Variants in AMN observed in about 807,000 individuals in gnomAD.
AMN encodes amnion associated transmembrane protein.
A neutral mutation model predicts 49.1 loss-of-function variants in AMN; 40 were observed. That is an observed-to-expected ratio of 0.81 (90% CI 0.63 to 1.06). AMN has a LOEUF of 1.06. AMN is among the 50% of genes least tolerant of loss of function. AMN has a pLI of 0.00. For missense variants in AMN, 701 were observed against 662.8 expected, an observed-to-expected ratio of 1.06 and a Z score of -0.63; for synonymous variants, 380 against 313.3, an observed-to-expected ratio of 1.21 and a Z score of -2.25.
At chr14:102,929,359 TC>T in intron 6 of AMN, 68 bp from the exon 7 acceptor site, 1 of 1,511,280 alleles carries the variant, frequency 6.6e-7, no homozygotes, top group Non-Finnish European at 8.8e-7. Flanking sequence ...GGCTTGCTTC[TC>T]GGAGGCATCG....
rs767922647 is a variant in AMN at position 102,923,691 on chromosome 14, C to T, written c.44-20C>T. Reference sequence around the variant, plus strand: ...AGCATCCCGGAGAGCATCCCGGGCACTCAGTCGCCTCCTCCCCAGCACTGA... The same window carrying T: ...AGCATCCCGGAGAGCATCCCGGGCATTCAGTCGCCTCCTCCCCAGCACTGA... On this transcript the variant is annotated intron_variant, in intron 1 of 11. Transcript: ENST00000299155. 5.0e-6 allele frequency: 8 copies of T among 1,600,468 alleles called. No homozygotes were observed. Among genetic ancestry groups the T allele is most frequent in the Middle Eastern group, 1.7e-4 (1 of 6,002 alleles).
At position 102,929,736 on chromosome 14, in the gene AMN, T is replaced by C. The variant is rs746808374; in HGVS notation, c.842T>C (p.Leu281Pro). Residue 281 changes from leucine to proline, a missense_variant and splice_region_variant, in exon 8 of 12, where the codon CTG becomes CCG. By Grantham distance (98) the Leu-to-Pro change is moderately conservative (BLOSUM62 -3). Coordinates refer to ENST00000299155, the MANE Select transcript of AMN (RefSeq NM_030943.4). ...RARILDTFLG[L>P]PQYHGLQVAV... ...CGGATACTGGACACCTTCCTGGGTC[T>C]GGTAATGGGGCCGCGCGGGCAGCTG... 39 of 1,550,044 alleles carry C rather than the reference T, an allele frequency of 2.5e-5. No individual in the cohort carries two copies. In the South Asian group the frequency reaches 4.2e-4, roughly 17 times the overall value.
chr14:102,924,250 C>T (rs1213435167), intron 3 of AMN, among the ~76,000 whole-genome samples: 3 of 152,162 alleles, frequency 2.0e-5, no homozygotes, highest in South Asian at 2.1e-4. Flanking sequence ...GGGTGGTCTT[C>T]CCAGGAAGCG....
At chr14:102,929,820 C>T (rs1891291754) in intron 8 of AMN, 83 bp downstream of exon 8, 1 of 1,542,646 alleles carries the variant, frequency 6.5e-7, no homozygotes, top group Non-Finnish European at 8.8e-7. Context: ...CTGCAGGGTC[C>T]CTGCGGCTGC....
At position 102,930,658 on chromosome 14, in the gene AMN, C is replaced by T. The variant is rs1352617436; in HGVS notation, c.1340C>T (p.Ala447Val). 6.3e-7 allele frequency: 1 copy of T among 1,595,912 alleles called. No individual in the cohort carries two copies. The highest frequency in any genetic ancestry group is 1.3e-5 in the African/African-American group (1 of 74,666). Residue 447 changes from alanine (A) to valine (V), a missense_variant, in exon 12 of 12, where the codon GCC (alanine) becomes GTC (valine). Ala to Val is a moderately conservative substitution (Grantham distance 64, BLOSUM62 0). Transcript: ENST00000299155. ...SHSYFVNPLF[A>V]GAEAEA ...AGTTACTTCGTCAACCCTCTGTTCGCCGGGGCCGAGGCCGAGGCCTGAGCG... is the reference window on the plus strand; with the variant it reads ...AGTTACTTCGTCAACCCTCTGTTCGTCGGGGCCGAGGCCGAGGCCTGAGCG...
chr14:102,923,991 C>A lies in AMN; in HGVS notation c.207+12C>A. 6.2e-7 allele frequency: 1 copy of A among 1,613,252 alleles called. No homozygotes were observed. Among genetic ancestry groups the A allele is most frequent in the South Asian group, 1.1e-5 (1 of 91,086 alleles). On this transcript the variant is annotated intron_variant, in intron 3 of 11. Transcript: ENST00000299155. ...CCGTCTCAGACATGGTAAGGCCGGG[C>A]TGCTACTGCCACTGGGCTGGGGGTT...
chr14:102,929,022 G>T, intron 5 of AMN, 47 bp downstream of exon 5: 1 of 1,594,136 alleles, frequency 6.3e-7, no homozygotes, highest in Middle Eastern at 1.7e-4. Flanking sequence ...CCCCACCTCG[G>T]CCCGACCCCG....
chr14:102,929,108 C>A lies in AMN; in HGVS notation c.514-13C>A. Reference sequence around the variant, plus strand: ...CCTCGGGCTGGCTCCGGTGGGGACCCGGCTGCCCGCAGACGTTCACGCGCG... The same window carrying A: ...CCTCGGGCTGGCTCCGGTGGGGACCAGGCTGCCCGCAGACGTTCACGCGCG... On this transcript the variant is annotated splice_polypyrimidine_tract_variant and intron_variant, in intron 5 of 11. Transcript: ENST00000299155. 1 of 1,597,586 alleles carries A rather than the reference C, an allele frequency of 6.3e-7. No individual in the cohort carries two copies. The highest frequency in any genetic ancestry group is 1.3e-5 in the African/African-American group (1 of 75,040).
In AMN at chr14:102,930,266, C is replaced by G; in HGVS notation, c.1108C>G (p.Leu370Val). 1 of 1,381,562 alleles carries G rather than the reference C, an allele frequency of 7.2e-7. No homozygotes were observed. The highest frequency in any genetic ancestry group is 9.3e-7 in the Non-Finnish European group (1 of 1,070,968). The allele number at this position is 1,381,562 out of a possible 1,614,324, so 85.6% of individuals were successfully genotyped here. A position where few individuals can be genotyped will look rare whatever the true frequency, so the allele number is the denominator to read the frequency against. Reference sequence around the variant, plus strand: ...GGCGGGCGGCGTGGCGGCTGCCGTGCTGCTGGCGCTGCTGGTCCTGCTGGT... The same window carrying G: ...GGCGGGCGGCGTGGCGGCTGCCGTGGTGCTGGCGCTGCTGGTCCTGCTGGT... ...GLAGGVAAAV[L>V]LALLVLLVAP... is the part of the protein sequence containing the mutation. Residue 370 changes from leucine (L) to valine (V), a missense_variant, in exon 10 of 12, where the codon CTG becomes GTG. Transcript: ENST00000299155.
rs1566829033 is a variant in AMN, at chr14:102,930,053, GC to G, written c.976del (p.Arg326GlyfsTer88). The G allele has an allele frequency of 1.3e-6, 2 of 1,546,286 alleles. No homozygotes were observed. The highest frequency in any genetic ancestry group is 2.4e-5 in the South Asian group (2 of 83,654). On this transcript the variant is annotated frameshift_variant, in exon 9 of 12. Coordinates refer to ENST00000299155, the MANE Select transcript of AMN (RefSeq NM_030943.4). LOFTEE classifies it high-confidence loss of function. The stretch of plus-strand genomic sequence containing the variant: ...CGAGACAGGCGGAGCGGGGCGGCTG[GC>G]CCGGGCCCTCCTGGCGGACGTCGCC... ...GPETGGAGRLARALLADVAEN... is the reference protein window; with the variant it reads ...GPETGGAGRLXRALLADVAEN...
In AMN at chr14:102,930,282, T is replaced by C. The variant is rs2139312870; in HGVS notation, c.1124T>C (p.Val375Ala). 1 of 1,380,066 alleles carries C rather than the reference T, an allele frequency of 7.2e-7. No individual in the cohort carries two copies. Among genetic ancestry groups the C allele is most frequent in the Non-Finnish European group, 9.3e-7 (1 of 1,072,714 alleles). The allele number at this position is 1,380,066 out of a possible 1,614,324, so 85.5% of individuals were successfully genotyped here. A position where few individuals can be genotyped will look rare whatever the true frequency, so the allele number is the denominator to read the frequency against. ...VAAAVLLALL[V>A]LLVAPPLLRR... ...GCTGCCGTGCTGCTGGCGCTGCTGGTCCTGCTGGTGGCGCCGCCGCTGCTG... is the reference window on the plus strand; with the variant it reads ...GCTGCCGTGCTGCTGGCGCTGCTGGCCCTGCTGGTGGCGCCGCCGCTGCTG... Residue 375 changes from valine to alanine, a missense_variant, in exon 10 of 12, where the codon GTC becomes GCC. By Grantham distance (64) the Val-to-Ala change is moderately conservative. Coordinates refer to ENST00000299155, the MANE Select transcript of AMN (RefSeq NM_030943.4).
intron 1 of AMN, chr14:102,923,410 C>T: frequency 2.3e-6 from 1 of 440,094 alleles, no homozygotes; most frequent in South Asian, 2.1e-5. Flanking sequence ...CAACGCTGTC[C>T]TCTGCTCCAG....
chr14:102,923,911 G>C (rs766494238), intron 2 of AMN, 24 bp from the exon 3 acceptor site: 97 of 1,612,898 alleles, frequency 6.0e-5, no homozygotes, highest in Middle Eastern at 4.9e-4. Flanking sequence ...CTCCCGGCTC[G>C]GCTGAGGCAG....
At chr14:102,929,383 C>A in intron 6 of AMN, 45 bp from the exon 7 acceptor site, 2 of 1,519,400 alleles carry the variant, frequency 1.3e-6, no homozygotes, top group South Asian at 1.2e-5. Context: ...CTTCTCGCTG[C>A]GGTCCGCTCT....
At chr14:102,924,369 C>T (rs952512124) in intron 3 of AMN, among the ~76,000 whole-genome samples, 6 of 152,126 alleles carry the variant, frequency 3.9e-5, no homozygotes, top group African/African-American at 1.2e-4. Flanking sequence ...ACCCACCATC[C>T]GGGTCCCTGG....
Position 102,929,237 on chromosome 14 carries a change from C to T in AMN, c.630C>T (p.Gly210=). ...CCGAGGACTGCGCGGACCCGTCGGG[C>T]TGCGTCTGCGGCAACGCGGAGGTGA... is the stretch of plus-strand genomic sequence containing the variant. ...VGPEDCADPS[G]CVCGNAEAQP... The change falls in exon 6 of 12, where the codon GGC becomes GGT. Residue 210 remains glycine, a synonymous_variant. Coordinates refer to ENST00000299155, the MANE Select transcript of AMN (RefSeq NM_030943.4). 1 of 1,512,250 alleles carries T rather than the reference C, an allele frequency of 6.6e-7. No homozygotes were observed. The highest frequency in any genetic ancestry group is 8.8e-7 in the Non-Finnish European group (1 of 1,140,416). The allele number at this position is 1,512,250 out of a possible 1,614,324, so 93.7% of individuals were successfully genotyped here. A position where few individuals can be genotyped will look rare whatever the true frequency, so the allele number is the denominator to read the frequency against.
rs751723677 is a variant in AMN at position 102,929,261 on chromosome 14, G to T, written c.651+3G>T. 5.0e-5 allele frequency: 73 copies of T among 1,470,234 alleles called. No individual in the cohort carries two copies. In the African/African-American group the frequency reaches 9.9e-4, roughly 20 times the overall value. The allele number at this position is 1,470,234 out of a possible 1,614,324, so 91.1% of individuals were successfully genotyped here. A position where few individuals can be genotyped will look rare whatever the true frequency, so the allele number is the denominator to read the frequency against. On this transcript the variant is annotated splice_donor_region_variant and intron_variant, in intron 6 of 11. Coordinates refer to ENST00000299155, the MANE Select transcript of AMN (RefSeq NM_030943.4). ...GCTGCGTCTGCGGCAACGCGGAGGT[G>T]AGCGAGGCCGCAGTGGAGTCGCGGG...
At chr14:102,928,381 G>A (rs1160930916) in intron 3 of AMN, 45 bp from the exon 4 acceptor site, 1 of 1,520,676 alleles carries the variant, frequency 6.6e-7, no homozygotes, top group Non-Finnish European at 8.9e-7. Context: ...CGCGGAGCAG[G>A]CCCGGACCCC....
chr14:102,930,802 C>T lies in AMN; in HGVS notation c.*122C>T, dbSNP rs1438144883. Reference sequence around the variant, plus strand: ...CTTCCTTTCCCCCTCCTCCGGGGGCCAAGGACAGGGTGGCCTTACTCAGTA... The same window carrying T: ...CTTCCTTTCCCCCTCCTCCGGGGGCTAAGGACAGGGTGGCCTTACTCAGTA... On this transcript the variant is annotated 3_prime_UTR_variant, in exon 12 of 12. Transcript: ENST00000299155. The T allele has an allele frequency of 1.7e-6, 2 of 1,142,994 alleles. No homozygotes were observed. Among genetic ancestry groups the T allele is most frequent in the South Asian group, 1.3e-5 (1 of 75,198 alleles). The allele number at this position is 1,142,994 out of a possible 1,614,324, so 70.8% of individuals were successfully genotyped here.
Sources: gnomAD v4.1 joint callset for allele counts (sites outside exome capture counted in the v4.1 genomes callset) on GRCh38, gnomAD v4.1.1 for gene constraint, MANE v1.5 for transcripts, NCBI Gene and HGNC (gene_info 2026-07-23, HGNC 2026-07-21) for gene names.